STXBP4: variants seen among roughly 807,000 people sequenced by gnomAD.
The protein encoded by STXBP4 is syntaxin-binding protein 4.
A neutral mutation model predicts 76.1 loss-of-function variants in STXBP4; 55 were observed. The observed-to-expected ratio is 0.72, with a 90% CI of 0.58 to 0.91. The LOEUF (loss-of-function observed/expected upper bound fraction) is 0.91. Among genes scored for constraint, STXBP4 ranks in the 40% least tolerant of loss-of-function variants. The pLI is 0.00. For missense variants in STXBP4, 618 were observed against 636.9 expected, an observed-to-expected ratio of 0.97 and a Z score of 0.32; for synonymous variants, 201 against 220.2, an observed-to-expected ratio of 0.91 and a Z score of 0.77.
At chr17:55,193,347 C>G in the STXBP4 span, among the ~76,000 whole-genome samples, 1 of 152,078 alleles carries the variant, frequency 6.6e-6, no homozygotes, top group Non-Finnish European at 1.5e-5. Flanking sequence ...TGAAATGAAC[C>G]TGATTATGGG....
chr17:55,146,292 A>G (rs1356350972), intron 17 of STXBP4, among the ~76,000 whole-genome samples: 2 of 152,130 alleles, frequency 1.3e-5, no homozygotes, highest in African/African-American at 2.4e-5. Flanking sequence ...ACCAATATGT[A>G]TTTTCTTACT....
intron 7 of STXBP4, among the ~76,000 whole-genome samples, chr17:55,006,495 A>G (rs373885415): frequency 2.1e-4 from 32 of 152,224 alleles, no homozygotes; most frequent in African/African-American, 6.8e-4. Context: ...TAGTAAGATC[A>G]ATATGAATTA....
At chr17:55,144,007 A>ACG (rs1175205010) in intron 17 of STXBP4, among the ~76,000 whole-genome samples, 2 of 50,148 alleles carry the variant, frequency 4.0e-5, no homozygotes, top group Admixed American at 3.3e-4. Flanking sequence ...AGCCACCTGC[A>ACG]CACACACACA....
intron 17 of STXBP4, among the ~76,000 whole-genome samples, chr17:55,152,792 T>C (rs1490431337): frequency 6.6e-6 from 1 of 152,178 alleles, no homozygotes; most frequent in Non-Finnish European, 1.5e-5. Flanking sequence ...TTTGGGTGGG[T>C]ACACAGAGCC....
At chr17:55,078,298 C>T in intron 14 of STXBP4, 104 bp downstream of exon 14, 1 of 745,576 alleles carries the variant, frequency 1.3e-6, no homozygotes, top group South Asian at 1.9e-5. Flanking sequence ...ATTCTCTAGT[C>T]TCAAAGCAGC....
the STXBP4 span, among the ~76,000 whole-genome samples, chr17:55,201,705 C>T: frequency 6.6e-6 from 1 of 152,138 alleles, no homozygotes; most frequent in African/African-American, 2.4e-5. Flanking sequence ...AAGACAGGGA[C>T]GACCAAGGTA....
chr17:54,991,589 C>T (rs1452419461), intron 4 of STXBP4: 13 of 152,058 alleles, frequency 8.5e-5, no homozygotes, highest in Non-Finnish European at 1.5e-5. Context: ...TTTAAATTCT[C>T]ATTCTTCTTG....
intron 16 of STXBP4, among the ~76,000 whole-genome samples, chr17:55,133,117 GT>G (rs1253895887): frequency 6.6e-6 from 1 of 152,118 alleles, no homozygotes; most frequent in African/African-American, 2.4e-5. Flanking sequence ...AGGGATACCA[GT>G]TAGAGTGCTA....
chr17:55,050,750 C>G (rs1306979726), intron 12 of STXBP4, among the ~76,000 whole-genome samples: 1 of 152,180 alleles, frequency 6.6e-6, no homozygotes, highest in Non-Finnish European at 1.5e-5. Flanking sequence ...TCACTGCAAC[C>G]TCCACCTCCC....
intron 1 of STXBP4, among the ~76,000 whole-genome samples, chr17:54,982,743 T>G (rs2077568446): frequency 6.6e-6 from 1 of 152,084 alleles, no homozygotes; most frequent in South Asian, 2.1e-4. Flanking sequence ...ACAGGCATTT[T>G]ATGATATTTA....
chr17:55,032,646 C>T lies in STXBP4; in HGVS notation c.763+1382C>T, dbSNP rs118031515. Among the ~76,000 whole-genome samples, 481 of 152,202 alleles carry T rather than the reference C, an allele frequency of 3.2e-3. 12 individuals are homozygous for T. The highest frequency in any genetic ancestry group is 0.025 in the East Asian group (131 of 5,176). On this transcript the variant is annotated intron_variant, in intron 9 of 17. Transcript: ENST00000376352. ...TCCGGCATCTCCCACCGTACACCTCCAGGAGAAAAGAAGTATATTCCTTTG... is the reference window on the plus strand; with the variant it reads ...TCCGGCATCTCCCACCGTACACCTCTAGGAGAAAAGAAGTATATTCCTTTG...
intron 4 of STXBP4, among the ~76,000 whole-genome samples, chr17:54,992,370 G>A (rs1049805292): frequency 1.3e-5 from 2 of 150,326 alleles, no homozygotes; most frequent in Non-Finnish European, 2.9e-5. Flanking sequence ...AGGCATGATC[G>A]TGCCACTGCA....
At chr17:55,038,313 A>G (rs1020587373) in intron 10 of STXBP4, among the ~76,000 whole-genome samples, 6 of 152,002 alleles carry the variant, frequency 3.9e-5, no homozygotes, top group African/African-American at 1.2e-4. Context: ...CGCCACTCCC[A>G]CCTTTACATT....
chr17:55,170,382 C>T lies in STXBP4; in HGVS notation c.*10471C>T, dbSNP rs908558563. ...CAAGTGGTAATAACAGGAAACAGAT[C>T]TGTATACAATATAAAACCAACAGTA... On this transcript the variant is annotated 3_prime_UTR_variant, in exon 18 of 18. Transcript: ENST00000376352. 3.3e-5 allele frequency: 5 copies of T among 151,888 alleles called. No homozygotes were observed. The highest frequency in any genetic ancestry group is 7.4e-5 in the Non-Finnish European group (5 of 67,968). 9.4% of individuals were successfully genotyped at this position (151,888 alleles called of 1,614,324 possible).
intron 13 of STXBP4, among the ~76,000 whole-genome samples, chr17:55,076,501 GT>G (rs2079183430): frequency 6.6e-6 from 1 of 152,028 alleles, no homozygotes; most frequent in Non-Finnish European, 1.5e-5. Flanking sequence ...ATCTTTCACT[GT>G]TTTTATTTCG....
downstream of STXBP4, chr17:55,173,634 G>A (rs146608940): frequency 4.1e-3 from 618 of 152,286 alleles, 4 homozygotes; most frequent in African/African-American, 0.014. Flanking sequence ...CAACATCCAC[G>A]TATTGGTTTT....
intron 12 of STXBP4, among the ~76,000 whole-genome samples, chr17:55,051,627 A>G (rs1207596182): frequency 1.3e-5 from 2 of 152,070 alleles, no homozygotes; most frequent in Admixed American, 1.3e-4. Flanking sequence ...GTGTGATGGT[A>G]TGCATCTATA....
In STXBP4 at chr17:55,058,360, A is replaced by G. The variant is rs1235048839; in HGVS notation, c.1011+11206A>G. On this transcript the variant is annotated intron_variant, in intron 12 of 17. Coordinates refer to ENST00000376352, the MANE Select transcript of STXBP4 (RefSeq NM_178509.6). The stretch of plus-strand genomic sequence containing the variant: ...GCCGCATAAATGCCTTCTTTTGAGA[A>G]GTGTCTGTTCATATCCTTCACCCAC... 2.6e-5 allele frequency among the ~76,000 whole-genome samples: 4 copies of G among 152,278 alleles called. No homozygotes were observed. In the East Asian group the frequency reaches 5.8e-4, roughly 22 times the overall value.
intron 1 of STXBP4, among the ~76,000 whole-genome samples, chr17:54,975,242 G>C (rs1467767913): frequency 6.6e-6 from 1 of 152,160 alleles, no homozygotes; most frequent in African/African-American, 2.4e-5. Context: ...AGGTTCAAGT[G>C]ATCTTCCTGC....
Sources: allele counts gnomAD v4.1 joint callset (sites outside exome capture counted in the v4.1 genomes callset), GRCh38; gene constraint gnomAD v4.1.1; transcripts MANE v1.5; gene names NCBI Gene and HGNC (gene_info 2026-07-23, HGNC 2026-07-21).